The following CCSER1 variants were observed in gnomAD, a reference collection of about 807,000 sequenced individuals.
CCSER1 encodes the protein serine-rich coiled-coil domain-containing protein 1.
CCSER1 carries 41 observed loss-of-function variants against 82.0 expected under a neutral mutation model. The observed-to-expected ratio is 0.50, with a 90% CI of 0.39 to 0.65. The LOEUF (loss-of-function observed/expected upper bound fraction) is 0.65, where lower values mean the gene tolerates loss of function less well. CCSER1 is among the 30% of genes least tolerant of loss of function. The pLI, the probability that CCSER1 is intolerant of heterozygous loss-of-function variation, is 0.00. For synonymous variants in CCSER1, 414 were observed against 383.9 expected (o/e 1.08, Z -0.92); for missense variants, 1,119 against 1,064.2 (o/e 1.05, Z -0.72).
chr4:90,317,483 A>G (rs939546928), intron 3 of CCSER1, among the ~76,000 whole-genome samples: 1 of 152,044 alleles, frequency 6.6e-6, no homozygotes, highest in African/African-American at 2.4e-5. Flanking sequence ...TTAGCTGGGC[A>G]TGGTGGCCAG....
At chr4:90,326,489 A>G (rs1489075012) in intron 3 of CCSER1, among the ~76,000 whole-genome samples, 1 of 152,006 alleles carries the variant, frequency 6.6e-6, no homozygotes, top group Admixed American at 6.6e-5. Flanking sequence ...ATATATATAT[A>G]TATCTTCTGT....
chr4:90,503,197 G>GT (rs1178820923), intron 5 of CCSER1, among the ~76,000 whole-genome samples: 2 of 152,182 alleles, frequency 1.3e-5, no homozygotes, highest in South Asian at 2.1e-4. Context: ...GTGTTATATT[G>GT]TTTTTTCCCA....
chr4:91,599,362 C>CACTT lies in CCSER1; in HGVS notation c.*309_*312dup, dbSNP rs1764729788. ...TAATTTATTTATTTTTTATCTCTATCACTTACTGATATGCATTAAGGTTTC... is the reference window on the plus strand; with the variant it reads ...TAATTTATTTATTTTTTATCTCTATCACTTACTTACTGATATGCATTAAGGTTTC... On this transcript the variant is annotated 3_prime_UTR_variant, in exon 11 of 11. Transcript: ENST00000509176. The CACTT allele has an allele frequency of 9.3e-6, 2 of 214,196 alleles. No individual in the cohort carries two copies. The highest frequency in any genetic ancestry group is 1.9e-5 in the Non-Finnish European group (2 of 107,942). The allele number at this position is 214,196 out of a possible 1,614,324, so 13.3% of individuals were successfully genotyped here.
chr4:91,192,787 ATTAT>A (rs1311640916), intron 10 of CCSER1, among the ~76,000 whole-genome samples: 2 of 152,026 alleles, frequency 1.3e-5, no homozygotes, highest in South Asian at 2.1e-4. Context: ...TAAAATCCAG[ATTAT>A]TTATTTTTTA....
At chr4:91,409,055 C>A (rs1162702312) in intron 10 of CCSER1, among the ~76,000 whole-genome samples, 1 of 152,104 alleles carries the variant, frequency 6.6e-6, no homozygotes, top group East Asian at 1.9e-4. Context: ...AAAGCAAACA[C>A]CTGAAACTTA....
intron 10 of CCSER1, among the ~76,000 whole-genome samples, chr4:91,104,282 C>T (rs1281458918): frequency 6.6e-6 from 1 of 152,044 alleles, no homozygotes; most frequent in East Asian, 1.9e-4. Context: ...TGCTTTTTGC[C>T]CTTTGAAGCA....
rs536402295 is a variant in CCSER1, at chr4:90,933,132, AGTGTGTGTGTGTGT to A, written c.2172+9723_2172+9736del. ...TGTTGTTCCAAAAATGTTACCTAGA[AGTGTGTGTGTGTGT>A]GTGTGTGTGTGTGTGTGTGTGTGTG... On this transcript the variant is annotated intron_variant, in intron 9 of 10. Transcript: ENST00000509176. 1.6e-3 allele frequency among the ~76,000 whole-genome samples: 113 copies of A among 70,176 alleles called. 1 individual carries two copies. The highest frequency in any genetic ancestry group is 4.7e-3 in the Admixed American group (32 of 6,812). The allele number at this position is 70,176 out of a possible 152,430, so 46.0% of individuals were successfully genotyped here. A position where few individuals can be genotyped will look rare whatever the true frequency, so the allele number is the denominator to read the frequency against.
intron 5 of CCSER1, among the ~76,000 whole-genome samples, chr4:90,552,676 T>G (rs1420597114): frequency 6.6e-6 from 1 of 152,078 alleles, no homozygotes; most frequent in Non-Finnish European, 1.5e-5. Context: ...AGGCTGATCT[T>G]GAACTCCTGA....
Position 91,605,153 on chromosome 4 carries a change from G to T in CCSER1, c.*6096G>T, listed in dbSNP as rs371313373. On this transcript the variant is annotated 3_prime_UTR_variant, in exon 11 of 11. Coordinates refer to ENST00000509176, the MANE Select transcript of CCSER1 (RefSeq NM_001145065.2). The stretch of plus-strand genomic sequence containing the variant: ...AGTAGTATAATTTTTTGTGGCTCTT[G>T]ATTTCCTAAGAAAAATAGTGATTTT... The T allele has an allele frequency of 1.7e-3, 256 of 151,872 alleles. 2 individuals carry two copies. Among genetic ancestry groups the T allele is most frequent in the African/African-American group, 5.9e-3 (245 of 41,480 alleles). 9.4% of individuals were successfully genotyped at this position (151,872 alleles called of 1,614,324 possible).
intron 9 of CCSER1, among the ~76,000 whole-genome samples, chr4:91,046,723 G>A (rs1742526762): frequency 6.6e-6 from 1 of 151,634 alleles, no homozygotes; most frequent in Non-Finnish European, 1.5e-5. Context: ...GTTTTGTTTT[G>A]GGAGCTTTTT....
chr4:90,274,771 A>C (rs1727231451), intron 1 of CCSER1, among the ~76,000 whole-genome samples: 1 of 152,152 alleles, frequency 6.6e-6, no homozygotes, highest in South Asian at 2.1e-4. Context: ...ATTATGCTTT[A>C]TATTATATCA....
intron 10 of CCSER1, among the ~76,000 whole-genome samples, chr4:91,145,998 C>G (rs961114259): frequency 6.6e-6 from 1 of 152,158 alleles, no homozygotes; most frequent in Non-Finnish European, 1.5e-5. Flanking sequence ...ATGCTATCCT[C>G]TCTAGAAAAT....
chr4:90,967,728 C>T (rs548346843), intron 9 of CCSER1, among the ~76,000 whole-genome samples: 7 of 151,958 alleles, frequency 4.6e-5, no homozygotes, highest in Non-Finnish European at 7.4e-5. Context: ...ATTTGTTCTT[C>T]GAGTTGATGC....
chr4:91,472,709 C>A (rs1273102961), intron 10 of CCSER1, among the ~76,000 whole-genome samples: 2 of 151,960 alleles, frequency 1.3e-5, no homozygotes, highest in Non-Finnish European at 2.9e-5. Flanking sequence ...CTCTTTGGGA[C>A]CCTTGAATAA....
intron 8 of CCSER1, among the ~76,000 whole-genome samples, chr4:90,873,913 A>G (rs1286946229): frequency 2.0e-5 from 3 of 152,292 alleles, no homozygotes; most frequent in East Asian, 1.9e-4. Context: ...ATCAAAATGC[A>G]TGATTTAATA....
At chr4:91,297,385 A>ATGTGTATGTG (rs1474514455) in intron 10 of CCSER1, among the ~76,000 whole-genome samples, 199 of 118,056 alleles carry the variant, frequency 1.7e-3, no homozygotes, top group Middle Eastern at 4.5e-3. Flanking sequence ...GTGTGTGTGT[A>ATGTGTATGTG]TGTGTGTGTG....
At chr4:91,017,880 C>A (rs996465012) in intron 9 of CCSER1, among the ~76,000 whole-genome samples, 2 of 151,422 alleles carry the variant, frequency 1.3e-5, no homozygotes, top group African/African-American at 2.4e-5. Flanking sequence ...TCACCCTAGG[C>A]TGAATAACAA....
chr4:91,165,519 A>T (rs1367678380), intron 10 of CCSER1, among the ~76,000 whole-genome samples: 1 of 152,204 alleles, frequency 6.6e-6, no homozygotes, highest in Non-Finnish European at 1.5e-5. Flanking sequence ...TTGTTCAGCC[A>T]TGCCCTGCTC....
At chr4:90,543,975 A>G (rs1183580944) in intron 5 of CCSER1, among the ~76,000 whole-genome samples, 1 of 152,106 alleles carries the variant, frequency 6.6e-6, no homozygotes, top group Non-Finnish European at 1.5e-5. Flanking sequence ...ATATTGACAG[A>G]AAGATATGAG....
Sources: gnomAD v4.1 joint callset for allele counts (sites outside exome capture counted in the v4.1 genomes callset) on GRCh38, gnomAD v4.1.1 for gene constraint, MANE v1.5 for transcripts, NCBI Gene and HGNC (gene_info 2026-07-23, HGNC 2026-07-21) for gene names.